Variants in KMT2A observed in about 807,000 individuals in gnomAD.
The protein encoded by KMT2A is histone-lysine N-methyltransferase 2A.
In KMT2A, 16 loss-of-function variants were observed where a neutral mutation model predicts 345.3. The ratio of observed to expected loss-of-function variants is 0.05; its 90% CI spans 0.03 to 0.07. KMT2A has a LOEUF of 0.07. KMT2A is among the 10% of genes least tolerant of loss of function. The pLI, the probability that KMT2A is intolerant of heterozygous loss-of-function variation, is 1.00. For synonymous variants in KMT2A, 1,599 were observed against 1,778.6 expected (o/e 0.90, Z 2.54); for missense variants, 3,272 against 4,841.6 (o/e 0.68, Z 9.62).
intron 1 of KMT2A, among the ~76,000 whole-genome samples, chr11:118,466,924 T>A (rs1949854797): frequency 6.6e-6 from 1 of 151,988 alleles, no homozygotes; most frequent in Admixed American, 6.6e-5. Context: ...CCAGGCATAG[T>A]GGTGCATGTA....
chr11:118,488,469 CAT>C, intron 10 of KMT2A, 143 bp from the exon 11 acceptor site: 1 of 817,532 alleles, frequency 1.2e-6, no homozygotes, highest in South Asian at 1.4e-5. Context: ...TACTTTTTTA[CAT>C]AGTCATTGCT....
At chr11:118,518,915 A>G (rs187393476) in intron 31 of KMT2A, among the ~76,000 whole-genome samples, 343 of 150,466 alleles carry the variant, frequency 2.3e-3, no homozygotes, top group African/African-American at 8.3e-3. Flanking sequence ...GTCTCTACTA[A>G]AAATACGAAA....
intron 28 of KMT2A, among the ~76,000 whole-genome samples, 198 bp from the exon 29 acceptor site, chr11:118,508,938 A>G (rs1950636305): frequency 6.6e-6 from 1 of 152,210 alleles, no homozygotes; most frequent in Admixed American, 6.5e-5. Context: ...TTGGTAAAGA[A>G]TCTCACAAAA....
chr11:118,488,536 A>G (rs1950270258), intron 10 of KMT2A, 78 bp from the exon 11 acceptor site: 1 of 1,501,732 alleles, frequency 6.7e-7, no homozygotes, highest in Non-Finnish European at 9.3e-7. Flanking sequence ...AACCCAAAGT[A>G]TATAAGAAGG....
In KMT2A at chr11:118,502,804, C is replaced by T. The variant is rs782424602; in HGVS notation, c.6912C>T (p.Ser2304=). ...CTTCAGACTTGGTGTCCAAGAGCTCCTCTTTAAAGGGAGAGAAGACCAAAG... is the reference window on the plus strand; with the variant it reads ...CTTCAGACTTGGTGTCCAAGAGCTCTTCTTTAAAGGGAGAGAAGACCAAAG... ...SSASDLVSKS[S]SLKGEKTKVL... Residue 2304 remains serine, a synonymous_variant, in exon 27 of 36, where the codon TCC becomes TCT. Coordinates refer to ENST00000534358, the MANE Select transcript of KMT2A (RefSeq NM_001197104.2). The surrounding 1 kb of genome is among the most constrained non-coding windows in gnomAD (Gnocchi z 4.9). The T allele has an allele frequency of 2.5e-6, 4 of 1,614,054 alleles. No homozygotes were observed. Among genetic ancestry groups the T allele is most frequent in the Non-Finnish European group, 3.4e-6 (4 of 1,180,048 alleles).
chr11:118,478,304 G>A, intron 5 of KMT2A, 103 bp downstream of exon 5: 1 of 861,904 alleles, frequency 1.2e-6, no homozygotes, highest in Admixed American at 2.5e-5. Context: ...GAATGTGGTT[G>A]TAATTGAGTT....
At chr11:118,459,520 CAT>C (rs1555031910) in intron 1 of KMT2A, among the ~76,000 whole-genome samples, 1 of 152,088 alleles carries the variant, frequency 6.6e-6, no homozygotes, top group East Asian at 1.9e-4. Flanking sequence ...TGAGCAAAGT[CAT>C]CCTAGGCTGT....
intron 2 of KMT2A, among the ~76,000 whole-genome samples, chr11:118,471,276 A>G (rs1949937763): frequency 6.6e-6 from 1 of 152,222 alleles, no homozygotes; most frequent in Non-Finnish European, 1.5e-5. Flanking sequence ...ATATTCTTAA[A>G]TGTTAATCTT....
chr11:118,504,186 G>C lies in KMT2A; in HGVS notation c.8294G>C (p.Gly2765Ala). 6.2e-7 allele frequency: 1 copy of C among 1,614,158 alleles called. No individual in the cohort carries two copies. The change falls in exon 27 of 36, where the codon GGG becomes GCG. Residue 2765 changes from glycine (G) to alanine (A), a missense_variant. Around this residue, in one of 27 missense-constraint regions of KMT2A, gnomAD observed 100 missense variants for 101.3 expected, o/e 0.99. Transcript: ENST00000534358. This position sits in a 1 kb window ranked among gnomAD's most constrained non-coding sequence, Gnocchi z 6.4. ...NLKIDRPEDA[G>A]EKEHVTKSSV... ...AAGATTGATAGACCTGAAGATGCTG[G>C]GGAGAAAGAACATGTCACTAAGAGT...
Position 118,520,920 on chromosome 11 carries a change from C to T in KMT2A, c.11513+35C>T, listed in dbSNP as rs781991854. On this transcript the variant is annotated intron_variant, in intron 34 of 35. Transcript: ENST00000534358. The surrounding 1 kb of genome is among the most constrained non-coding windows in gnomAD (Gnocchi z 4.3). ...AAATTCTAGAAAGAATTACAGAAAA[C>T]GAATGCAGTTTTTCAAAATCAAAGC... is the stretch of plus-strand genomic sequence containing the variant. 13 of 1,514,066 alleles carry T rather than the reference C, an allele frequency of 8.6e-6. No individual in the cohort carries two copies. Among genetic ancestry groups the T allele is most frequent in the Non-Finnish European group, 1.2e-5 (13 of 1,089,572 alleles). 93.8% of individuals were successfully genotyped at this position (1,514,066 alleles called of 1,614,324 possible).
intron 1 of KMT2A, among the ~76,000 whole-genome samples, 165 bp downstream of exon 1, chr11:118,437,109 A>AC (rs2134156503): frequency 7.0e-6 from 1 of 142,472 alleles, no homozygotes; most frequent in African/African-American, 2.6e-5. Flanking sequence ...AGGGCTGCAG[A>AC]CCCCCAGGCG....
intron 1 of KMT2A, among the ~76,000 whole-genome samples, chr11:118,445,410 T>C (rs1402384466): frequency 6.6e-6 from 1 of 152,186 alleles, no homozygotes; most frequent in African/African-American, 2.4e-5. Context: ...TAACTAGTGT[T>C]CCTGATATTT....
Position 118,493,038 on chromosome 11 carries a change from A to C in KMT2A, c.5005-19A>C, listed in dbSNP as rs1950349914. 1.2e-6 allele frequency: 2 copies of C among 1,608,004 alleles called. No homozygotes were observed. Among genetic ancestry groups the C allele is most frequent in the Non-Finnish European group, 1.7e-6 (2 of 1,176,318 alleles). On this transcript the variant is annotated intron_variant, in intron 15 of 35. Transcript: ENST00000534358. The surrounding 1 kb of genome is among the most constrained non-coding windows in gnomAD (Gnocchi z 5.8). Reference sequence around the variant, plus strand: ...GGTTTTAGTGTTAGATAAAAGCAACATATCTTTCCTGGCAATAGGCTGCCA... The same window carrying C: ...GGTTTTAGTGTTAGATAAAAGCAACCTATCTTTCCTGGCAATAGGCTGCCA...
At chr11:118,482,322 GT>G (rs59281381) in intron 7 of KMT2A, 99 bp from the exon 8 acceptor site, 14,980 of 675,316 alleles carry the variant, frequency 0.022, 13 homozygotes, top group Middle Eastern at 0.033. Context: ...AGTTTAAATA[GT>G]TTTTTTTTTT....
At chr11:118,452,874 T>A (rs538498991) in intron 1 of KMT2A, among the ~76,000 whole-genome samples, 1 of 151,766 alleles carries the variant, frequency 6.6e-6, no homozygotes, top group South Asian at 2.1e-4. Flanking sequence ...CCTCGTGATC[T>A]GCCCACCTCG....
intron 1 of KMT2A, among the ~76,000 whole-genome samples, chr11:118,452,289 A>G (rs1555029229): frequency 6.6e-6 from 1 of 152,162 alleles, no homozygotes; most frequent in Non-Finnish European, 1.5e-5. Context: ...TAATGCCAGC[A>G]CTTTGGGAGG....
At chr11:118,463,821 C>T (rs565026072) in intron 1 of KMT2A, among the ~76,000 whole-genome samples, 9 of 152,238 alleles carry the variant, frequency 5.9e-5, no homozygotes, top group African/African-American at 2.2e-4. Flanking sequence ...ATTTTGTATG[C>T]ACCAAAATAA....
In KMT2A at chr11:118,520,443, G is replaced by A. The variant is rs1591309428; in HGVS notation, c.11430-359G>A. ...CGAGGCGGACAGATCATGAGGTCAG[G>A]AGTTCGAGACCAGCCTGACCAACAT... On this transcript the variant is annotated intron_variant, in intron 33 of 35. Transcript: ENST00000534358. This position sits in a 1 kb window ranked among gnomAD's most constrained non-coding sequence, Gnocchi z 4.3. 6.0e-6 allele frequency: 2 copies of A among 330,756 alleles called. No homozygotes were observed. Among genetic ancestry groups the A allele is most frequent in the East Asian group, 1.2e-4 (2 of 16,398 alleles). The allele number at this position is 330,756 out of a possible 1,614,324, so 20.5% of individuals were successfully genotyped here. A position where few individuals can be genotyped will look rare whatever the true frequency, so the allele number is the denominator to read the frequency against.
rs1555047175 is a variant in KMT2A, at chr11:118,504,265, A to C, written c.8373A>C (p.Arg2791Ser). 1 of 1,614,202 alleles carries C rather than the reference A, an allele frequency of 6.2e-7. No homozygotes were observed. The highest frequency in any genetic ancestry group is 8.5e-7 in the Non-Finnish European group (1 of 1,180,044). ...TGGATAACTGCCATTCTGTAAGCAG[A>C]GTTAAAACACAGGGACAAGATTCCT... Reference protein sequence around the residue: ...PKMDNCHSVSRVKTQGQDSLE... With the variant: ...PKMDNCHSVSSVKTQGQDSLE... The change falls in exon 27 of 36, where the codon AGA becomes AGC. Residue 2791 changes from arginine (R) to serine (S), a missense_variant. Arg to Ser is a moderately radical substitution (Grantham distance 110). This residue lies in a region of KMT2A where 100 missense variants were observed against 101.3 expected (regional missense o/e 0.99). Transcript: ENST00000534358. This position sits in a 1 kb window ranked among gnomAD's most constrained non-coding sequence, Gnocchi z 6.4.
Sources: allele counts gnomAD v4.1 joint callset (sites outside exome capture counted in the v4.1 genomes callset), GRCh38; gene constraint gnomAD v4.1.1; regional missense constraint gnomAD v4.1.1; non-coding constraint Gnocchi (gnomAD v3.1); transcripts MANE v1.5; gene names NCBI Gene and HGNC (gene_info 2026-07-23, HGNC 2026-07-21).